Variants in PPP3CA observed in about 807,000 individuals in gnomAD.
PPP3CA encodes CAM-PRP catalytic subunit.
In PPP3CA, 14 loss-of-function variants were observed where a neutral mutation model predicts 66.5. The observed-to-expected ratio is 0.21, with a 90% CI of 0.14 to 0.33. The LOEUF is 0.33. Among genes scored for constraint, PPP3CA ranks in the 10% least tolerant of loss-of-function variants. PPP3CA has a pLI of 1.00. For synonymous variants in PPP3CA, 232 were observed against 226.2 expected, an observed-to-expected ratio of 1.03 and a Z score of -0.23; for missense variants, 317 against 639.5, an observed-to-expected ratio of 0.50 and a Z score of 5.44.
rs182415898 is a variant in PPP3CA, at chr4:101,320,412, G to T, written c.58+26327C>A. Among the ~76,000 whole-genome samples, 346 of 148,336 alleles carry T rather than the reference G, an allele frequency of 2.3e-3. 4 individuals carry two copies. Among genetic ancestry groups the T allele is most frequent in the African/African-American group, 8.0e-3 (323 of 40,322 alleles). On this transcript the variant is annotated intron_variant, in intron 1 of 13. Coordinates refer to ENST00000394854, the MANE Select transcript of PPP3CA (RefSeq NM_000944.5). ...TTCAAAATGGATCAGCATAGCTATG[G>T]CATAGCTTGAATGGTACACACACAT...
Position 101,172,718 on chromosome 4 carries a change from G to A in PPP3CA, c.259+23198C>T, listed in dbSNP as rs74761924. Among the ~76,000 whole-genome samples the A allele has an allele frequency of 8.2e-3, 1,250 of 152,146 alleles. 16 individuals are homozygous for A. The highest frequency in any genetic ancestry group is 0.029 in the African/African-American group (1,201 of 41,490). On this transcript the variant is annotated intron_variant, in intron 2 of 13. Coordinates refer to ENST00000394854, the MANE Select transcript of PPP3CA (RefSeq NM_000944.5). ...CTAATGCAGAGGGAAGCTGAATCTA[G>A]TTTTTAAATCAGGACAAATTCTAAC... is the stretch of plus-strand genomic sequence containing the variant.
At chr4:101,286,472 T>A (rs1054492939) in intron 1 of PPP3CA, among the ~76,000 whole-genome samples, 1 of 152,212 alleles carries the variant, frequency 6.6e-6, no homozygotes, top group Non-Finnish European at 1.5e-5. Context: ...CACCTGGAAA[T>A]ATCTACTTCA....
chr4:101,040,161 A>T (rs1434539086), intron 11 of PPP3CA, among the ~76,000 whole-genome samples: 1 of 152,208 alleles, frequency 6.6e-6, no homozygotes, highest in Admixed American at 6.5e-5. Context: ...AAACAAAAAA[A>T]ATTACAATAG....
At chr4:101,300,116 G>A (rs1438807190) in intron 1 of PPP3CA, among the ~76,000 whole-genome samples, 1 of 152,192 alleles carries the variant, frequency 6.6e-6, no homozygotes, top group Non-Finnish European at 1.5e-5. Context: ...CTATTTCAGA[G>A]AGACAAATAA....
chr4:101,219,001 T>C (rs1725539291), intron 1 of PPP3CA, among the ~76,000 whole-genome samples: 2 of 152,072 alleles, frequency 1.3e-5, no homozygotes, highest in African/African-American at 2.4e-5. Flanking sequence ...AGTTTGTTCA[T>C]TCACTAAAAA....
At position 101,093,901 on chromosome 4, in the gene PPP3CA, T is replaced by C. The variant is rs1419686165; in HGVS notation, c.657A>G (p.Lys219=). 1 of 1,606,112 alleles carries C rather than the reference T, an allele frequency of 6.2e-7. No homozygotes were observed. Among genetic ancestry groups the C allele is most frequent in the African/African-American group, 1.3e-5 (1 of 74,546 alleles). ...ACATAGGTCCATATGCAGGTGGTTCTTTGAATCGGTCTAACTAAGAAAAAT... is the reference window on the plus strand; with the variant it reads ...ACATAGGTCCATATGCAGGTGGTTCCTTGAATCGGTCTAACTAAGAAAAAT... ...LDDIRKLDRF[K]EPPAYGPMCD... The change falls in exon 6 of 14, where the codon AAA becomes AAG. Residue 219 remains lysine, a synonymous_variant. Coordinates refer to ENST00000394854, the MANE Select transcript of PPP3CA (RefSeq NM_000944.5).
At chr4:101,314,651 A>G (rs895458150) in intron 1 of PPP3CA, among the ~76,000 whole-genome samples, 5 of 151,952 alleles carry the variant, frequency 3.3e-5, no homozygotes, top group Middle Eastern at 3.2e-3. Context: ...ACTATAAATA[A>G]TGGCAATACC....
chr4:101,027,670 A>C (rs1053189688), intron 13 of PPP3CA, among the ~76,000 whole-genome samples: 2 of 152,208 alleles, frequency 1.3e-5, no homozygotes, highest in Non-Finnish European at 2.9e-5. Context: ...ATTTCATCAT[A>C]ATTAACAGGT....
At chr4:101,179,633 C>T (rs1724173058) in intron 2 of PPP3CA, among the ~76,000 whole-genome samples, 1 of 152,048 alleles carries the variant, frequency 6.6e-6, no homozygotes, top group Non-Finnish European at 1.5e-5. Context: ...CAAGGTGACA[C>T]CAGTGACTTC....
At chr4:101,279,468 G>T (rs1328576506) in intron 1 of PPP3CA, among the ~76,000 whole-genome samples, 1 of 152,166 alleles carries the variant, frequency 6.6e-6, no homozygotes, top group Non-Finnish European at 1.5e-5. Flanking sequence ...GTGCTTGTGG[G>T]GCAGCCAATG....
chr4:101,174,752 A>T (rs948775944), intron 2 of PPP3CA, among the ~76,000 whole-genome samples: 1 of 152,142 alleles, frequency 6.6e-6, no homozygotes, highest in Non-Finnish European at 1.5e-5. Context: ...GAGATAGGGA[A>T]AGGGAACAAA....
At chr4:101,055,649 A>G (rs1728193914) in intron 10 of PPP3CA, among the ~76,000 whole-genome samples, 1 of 152,170 alleles carries the variant, frequency 6.6e-6, no homozygotes, top group Admixed American at 6.6e-5. Flanking sequence ...GAATCATGAC[A>G]TGGTTTCCTA....
At chr4:101,190,013 G>A (rs1465326999) in intron 2 of PPP3CA, among the ~76,000 whole-genome samples, 2 of 151,994 alleles carry the variant, frequency 1.3e-5, no homozygotes, top group African/African-American at 4.8e-5. Context: ...ATGGAATATG[G>A]ATAAGATTGG....
Position 101,195,899 on chromosome 4 carries a change from C to A in PPP3CA, c.259+17G>T. ...AAATGTGTATACAAGTGGGCAACCT[C>A]CCTCCTCAGGACTTACCAGTGACTG... On this transcript the variant is annotated intron_variant, in intron 2 of 13. Coordinates refer to ENST00000394854, the MANE Select transcript of PPP3CA (RefSeq NM_000944.5). 4.3e-6 allele frequency: 7 copies of A among 1,609,622 alleles called. No homozygotes were observed. The highest frequency in any genetic ancestry group is 5.9e-6 in the Non-Finnish European group (7 of 1,177,482).
At chr4:101,314,212 T>A (rs2044041) in intron 1 of PPP3CA, among the ~76,000 whole-genome samples, 46,351 of 152,034 alleles carry the variant, frequency 0.3, 9,104 homozygotes, top group Middle Eastern at 0.45. Flanking sequence ...ACAACATTAG[T>A]GTAGATATTT....
intron 1 of PPP3CA, among the ~76,000 whole-genome samples, chr4:101,279,410 AG>A (rs992867651): frequency 5.8e-4 from 89 of 152,202 alleles, no homozygotes; most frequent in African/African-American, 1.9e-3. Context: ...TTAGAAGCAG[AG>A]TAAGAGCCAG....
intron 8 of PPP3CA, among the ~76,000 whole-genome samples, chr4:101,070,786 A>G (rs1374437701): frequency 6.6e-6 from 1 of 152,198 alleles, no homozygotes; most frequent in Admixed American, 6.5e-5. Context: ...CCTACATACT[A>G]GGATCCAGGG....
At chr4:101,283,046 TTCA>T (rs766739575) in intron 1 of PPP3CA, among the ~76,000 whole-genome samples, 1 of 152,228 alleles carries the variant, frequency 6.6e-6, no homozygotes, top group Non-Finnish European at 1.5e-5. Context: ...AAGCTCTTTC[TTCA>T]TGTTTTAAAA....
chr4:101,184,160 G>T (rs1019770838), intron 2 of PPP3CA, among the ~76,000 whole-genome samples: 52 of 152,170 alleles, frequency 3.4e-4, no homozygotes, highest in Admixed American at 2.9e-3. Context: ...GAAAGAAATA[G>T]GTAGAGAATG....
Sources: gnomAD v4.1 joint callset for allele counts (sites outside exome capture counted in the v4.1 genomes callset) on GRCh38, gnomAD v4.1.1 for gene constraint, MANE v1.5 for transcripts, NCBI Gene and HGNC (gene_info 2026-07-23, HGNC 2026-07-21) for gene names.